The following CERS5 variants were observed in gnomAD, a reference collection of about 807,000 sequenced individuals.
CERS5 encodes the protein LAG1 homolog, ceramide synthase 5.
A neutral mutation model predicts 58.9 loss-of-function variants in CERS5; 37 were observed. That is an observed-to-expected ratio of 0.63 (90% CI 0.48 to 0.83). The LOEUF (loss-of-function observed/expected upper bound fraction) is 0.83. CERS5 is among the 40% of genes least tolerant of loss of function. The pLI is 0.00. For synonymous variants in CERS5, 147 were observed against 177.8 expected (o/e 0.83, Z 1.38); for missense variants, 398 against 489.3 (o/e 0.81, Z 1.76).
chr12:50,130,555 G>C lies in CERS5; in HGVS notation c.1169C>G (p.Ala390Gly). 1 of 1,606,316 alleles carries C rather than the reference G, an allele frequency of 6.2e-7. No individual in the cohort carries two copies. The highest frequency in any genetic ancestry group is 8.5e-7 in the Non-Finnish European group (1 of 1,173,750). ...VNGHMGGSYWAEE is the reference protein window; with the variant it reads ...VNGHMGGSYWGEE Reference sequence around the variant, plus strand: ...CCTATAGCAACCACCTTACTCTTCAGCCCAGTAGCTGCCTCCCATGTGACC... The same window carrying C: ...CCTATAGCAACCACCTTACTCTTCACCCCAGTAGCTGCCTCCCATGTGACC... The change falls in exon 10 of 10, where the codon GCT becomes GGT. Residue 390 changes from alanine to glycine, a missense_variant. Coordinates refer to ENST00000317551, the MANE Select transcript of CERS5 (RefSeq NM_147190.5).
intron 9 of CERS5, among the ~76,000 whole-genome samples, chr12:50,134,237 GGCGTGGTGGT>G (rs1185092269): frequency 6.6e-6 from 1 of 151,050 alleles, no homozygotes; most frequent in Non-Finnish European, 1.5e-5. Flanking sequence ...AAATTAGCCA[GGCGTGGTGGT>G]GCACACCTAT....
chr12:50,143,992 G>C lies in CERS5; in HGVS notation c.263C>G (p.Pro88Arg). The stretch of plus-strand genomic sequence containing the variant: ...GAACACCTTTTCAAGGATGGCATTG[G>C]GTTGGGCCTGATAAGGACCACTGTC... ...IEDSGPYQAQ[P>R]NAILEKVFIS... is the part of the protein sequence containing the mutation. Residue 88 changes from proline to arginine, a missense_variant, in exon 2 of 10, where the codon CCC becomes CGC. Pro to Arg is a moderately radical substitution (Grantham distance 103). Coordinates refer to ENST00000317551, the MANE Select transcript of CERS5 (RefSeq NM_147190.5). The C allele has an allele frequency of 6.2e-7, 1 of 1,612,644 alleles. No individual in the cohort carries two copies. The highest frequency in any genetic ancestry group is 8.5e-7 in the Non-Finnish European group (1 of 1,178,684).
At chr12:50,130,807 A>G (rs1951276298) in intron 9 of CERS5, 113 bp from the exon 10 acceptor site, 1 of 883,826 alleles carries the variant, frequency 1.1e-6, no homozygotes, top group South Asian at 2.1e-5. Flanking sequence ...TTCTGATGAC[A>G]TCTAACTCAA....
intron 1 of CERS5, chr12:50,148,521 C>A: frequency 3.0e-6 from 1 of 329,268 alleles, no homozygotes; most frequent in Non-Finnish European, 6.4e-6. Context: ...CTCTTGAACT[C>A]GGGAGACAGA....
At chr12:50,139,843 T>C (rs1210465159) in intron 4 of CERS5, among the ~76,000 whole-genome samples, 4 of 152,122 alleles carry the variant, frequency 2.6e-5, no homozygotes, top group African/African-American at 9.7e-5. Flanking sequence ...GTTTTTCTAA[T>C]GCCTATTACA....
chr12:50,135,811 A>G lies in CERS5; in HGVS notation c.793T>C (p.Tyr265His). 6.2e-7 allele frequency: 1 copy of G among 1,614,148 alleles called. No individual in the cohort carries two copies. Among genetic ancestry groups the G allele is most frequent in the Non-Finnish European group, 8.5e-7 (1 of 1,180,012 alleles). The change falls in exon 8 of 10, where the codon TAT (tyrosine) becomes CAT (histidine). Residue 265 changes from tyrosine (Y) to histidine (H), a missense_variant. Physicochemically the swap from Tyr to His is moderately conservative, Grantham distance 83. Transcript: ENST00000317551. Reference sequence around the variant, plus strand: ...AAAAGGGTGTCACAGAGCCGCTGATACTTGGCATAATTGGCCAGTTTGGCT... The same window carrying G: ...AAAAGGGTGTCACAGAGCCGCTGATGCTTGGCATAATTGGCCAGTTTGGCT... ...EAAKLANYAK[Y>H]QRLCDTLFVI...
At chr12:50,139,644 T>G (rs1951860214) in intron 4 of CERS5, among the ~76,000 whole-genome samples, 1 of 151,884 alleles carries the variant, frequency 6.6e-6, no homozygotes, top group Non-Finnish European at 1.5e-5. Context: ...AATACAAAAA[T>G]TAGCTGGGCC....
In CERS5 at chr12:50,129,501, A is replaced by ATTTTTTT. The variant is rs5798128; in HGVS notation, c.*1037_*1043dup. On this transcript the variant is annotated 3_prime_UTR_variant, in exon 10 of 10. Coordinates refer to ENST00000317551, the MANE Select transcript of CERS5 (RefSeq NM_147190.5). ...GTTGAGGAACTAAAAGTATGACCTA[A>ATTTTTTT]TTTTTTTTTTTTTTTTTTTTTTTAG... The ATTTTTTT allele has an allele frequency of 8.2e-6, 1 of 121,334 alleles. No individual in the cohort carries two copies. Among genetic ancestry groups the ATTTTTTT allele is most frequent in the Admixed American group, 8.9e-5 (1 of 11,232 alleles). 7.5% of individuals were successfully genotyped at this position (121,334 alleles called of 1,614,324 possible).
intron 1 of CERS5, 101 bp downstream of exon 1, chr12:50,167,000 G>A: frequency 1.0e-6 from 1 of 997,414 alleles, no homozygotes. Flanking sequence ...CCCTGCTTCC[G>A]GGCTTTCCTT....
At chr12:50,143,775 G>A (rs1952109113) in intron 2 of CERS5, 177 bp downstream of exon 2, 3 of 516,942 alleles carry the variant, frequency 5.8e-6, no homozygotes, top group Middle Eastern at 4.5e-4. Context: ...GACATACGTA[G>A]GGCCCAAAGG....
At chr12:50,153,792 TA>T (rs1326018452) in intron 1 of CERS5, 2 of 325,534 alleles carry the variant, frequency 6.1e-6, no homozygotes, top group African/African-American at 2.3e-5. Flanking sequence ...CCATCTCCAC[TA>T]AAAATACAAA....
chr12:50,142,934 CT>C, intron 3 of CERS5, 139 bp downstream of exon 3: 1 of 897,284 alleles, frequency 1.1e-6, no homozygotes, highest in Non-Finnish European at 1.6e-6. Flanking sequence ...CCCTTCTTTC[CT>C]ACCTATAATA....
At chr12:50,134,183 T>C in intron 9 of CERS5, 1 of 304,028 alleles carries the variant, frequency 3.3e-6, no homozygotes. Flanking sequence ...TAGTTGGACA[T>C]TGGCCTGGGT....
In CERS5 at chr12:50,133,799, T is replaced by C. The variant is rs1212777091; in HGVS notation, c.1029+747A>G. On this transcript the variant is annotated intron_variant, in intron 9 of 9. Coordinates refer to ENST00000317551, the MANE Select transcript of CERS5 (RefSeq NM_147190.5). ...TAAAAGGTAAAACAGGCAGGCCAGG[T>C]GCGGTGGCTCACGCCTGTAATCCCA... 17 of 985,092 alleles carry C rather than the reference T, an allele frequency of 1.7e-5. No individual in the cohort carries two copies. The East Asian group carries it at 4.5e-4, about 26-fold the overall frequency. The allele number at this position is 985,092 out of a possible 1,614,324, so 61.0% of individuals were successfully genotyped here. A position where few individuals can be genotyped will look rare whatever the true frequency, so the allele number is the denominator to read the frequency against.
rs775033866 is a variant in CERS5, at chr12:50,137,768, C to A, written c.596G>T (p.Trp199Leu). ...HYYIMELAFY[W>L]SLMFSQFTDI... ...TGTAAACTGAGAAAACATAAGGGAC[C>A]AATAGAAGGCCAATTCCATGATATA... The change falls in exon 6 of 10, where the codon TGG becomes TTG. Residue 199 changes from tryptophan to leucine, a missense_variant. By Grantham distance (61) the Trp-to-Leu change is moderately conservative. This residue lies in a region of CERS5 where 328 missense variants were observed against 384.5 expected (regional missense o/e 0.85). Transcript: ENST00000317551. 4 of 1,609,892 alleles carry A rather than the reference C, an allele frequency of 2.5e-6. No individual in the cohort carries two copies. Among genetic ancestry groups the A allele is most frequent in the African/African-American group, 1.3e-5 (1 of 74,848 alleles).
intron 4 of CERS5, among the ~76,000 whole-genome samples, chr12:50,139,544 A>G (rs1951855109): frequency 6.6e-6 from 1 of 152,130 alleles, no homozygotes; most frequent in African/African-American, 2.4e-5. Flanking sequence ...CTGTAATCCC[A>G]GCACTTTGGG....
chr12:50,137,938 T>A (rs1393902391), intron 5 of CERS5, 118 bp from the exon 6 acceptor site: 4 of 676,800 alleles, frequency 5.9e-6, no homozygotes, highest in Admixed American at 2.7e-5. Context: ...CTCCTCCCCA[T>A]TATCTGCCAA....
chr12:50,136,776 T>C (rs1951717390), intron 6 of CERS5, among the ~76,000 whole-genome samples: 1 of 152,232 alleles, frequency 6.6e-6, no homozygotes, highest in Admixed American at 6.5e-5. Flanking sequence ...TTTGTGGCTC[T>C]AATTTCCTCT....
chr12:50,150,106 T>C (rs2138166902), intron 1 of CERS5, among the ~76,000 whole-genome samples: 1 of 152,266 alleles, frequency 6.6e-6, no homozygotes, highest in Non-Finnish European at 1.5e-5. Flanking sequence ...TTAGATCAAT[T>C]TCTGGAAAAA....
Sources: gnomAD v4.1 joint callset for allele counts (sites outside exome capture counted in the v4.1 genomes callset) on GRCh38, gnomAD v4.1.1 for gene constraint, gnomAD v4.1.1 regional missense constraint, MANE v1.5 for transcripts, NCBI Gene and HGNC (gene_info 2026-07-23, HGNC 2026-07-21) for gene names.